The following ATP12A variants were observed in gnomAD, a reference collection of about 807,000 sequenced individuals.
The protein encoded by ATP12A is potassium-transporting ATPase alpha chain 2.
Under a neutral mutation model 111.2 loss-of-function variants are expected in ATP12A, and 81 were observed. The ratio of observed to expected loss-of-function variants is 0.73; its 90% CI spans 0.61 to 0.88. The LOEUF is 0.88. ATP12A is among the 40% of genes least tolerant of loss of function. The pLI, the probability that ATP12A is intolerant of heterozygous loss-of-function variation, is 0.00. For synonymous variants in ATP12A, 498 were observed against 499.8 expected (o/e 1.00, Z 0.05); for missense variants, 1,196 against 1,313.1 (o/e 0.91, Z 1.38).
At chr13:24,703,351 T>C (rs1875476996) in intron 14 of ATP12A, among the ~76,000 whole-genome samples, 1 of 152,138 alleles carries the variant, frequency 6.6e-6, no homozygotes, top group Non-Finnish European at 1.5e-5. Flanking sequence ...CAAGCGATTC[T>C]CCTGCCTCAG....
chr13:24,706,237 C>A, intron 14 of ATP12A, 76 bp from the exon 15 acceptor site: 1 of 1,553,806 alleles, frequency 6.4e-7, no homozygotes, highest in African/African-American at 1.4e-5. Context: ...AGGCTTCAGC[C>A]AGCATCCTGC....
chr13:24,694,303 TTGCGGCC>T, intron 10 of ATP12A, 134 bp from the exon 11 acceptor site: 4 of 1,090,802 alleles, frequency 3.7e-6, no homozygotes, highest in Non-Finnish European at 5.3e-6. Context: ...TACCACGGTC[TTGCGGCC>T]CTCCCTGATC....
rs1456718202 is a variant in ATP12A, at chr13:24,690,288, G to A, written c.547-50G>A. On this transcript the variant is annotated intron_variant, in intron 5 of 22. Transcript: ENST00000381946. ...CGGTGCGGCACAGACTTGGGGGAGG[G>A]CCGGTGTCCTTCCAGGGTCTGAGGC... The A allele has an allele frequency of 3.7e-6, 6 of 1,601,404 alleles. No homozygotes were observed. The East Asian group carries it at 1.3e-4, about 36-fold the overall frequency.
intron 17 of ATP12A, among the ~76,000 whole-genome samples, chr13:24,708,686 T>G (rs538678150): frequency 1.3e-5 from 2 of 151,768 alleles, no homozygotes; most frequent in East Asian, 3.9e-4. Context: ...TCCAGCCTGG[T>G]CAACACAGAG....
chr13:24,708,949 G>GAAAGAAAGA (rs1875820527), intron 17 of ATP12A, among the ~76,000 whole-genome samples: 1 of 140,456 alleles, frequency 7.1e-6, no homozygotes, highest in East Asian at 2.0e-4. Flanking sequence ...AAGAAAGAAA[G>GAAAGAAAGA]AAAGAAAGAA....
rs1874631239 is a variant in ATP12A, at chr13:24,685,383, G to T, written c.228+10G>T. ...CACAGACATCATTATGGTGAGTCGT[G>T]GGAACCAGGGATTTGGAAGAGAAGC... is the stretch of plus-strand genomic sequence containing the variant. On this transcript the variant is annotated intron_variant, in intron 3 of 22. Transcript: ENST00000381946. The surrounding 1 kb of genome is among the most constrained non-coding windows in gnomAD (Gnocchi z 5.5). 6.2e-7 allele frequency: 1 copy of T among 1,613,316 alleles called. No individual in the cohort carries two copies.
rs1425542489 is a variant in ATP12A at position 24,709,771 on chromosome 13, G to T, written c.2706G>T (p.Arg902=). Residue 902 remains arginine (R), a synonymous_variant, in exon 19 of 23, where the codon CGG becomes CGT. Transcript: ENST00000381946. ...GFLPRTLINL[R]VEWEKDYVND... is the part of the protein sequence containing the mutation. ...TGCCCCGCACTCTCATTAACCTGCG[G>T]GTAGAATGGGAGAAGGACTACGTGA... 6.2e-7 allele frequency: 1 copy of T among 1,614,078 alleles called. No homozygotes were observed. Among genetic ancestry groups the T allele is most frequent in the Non-Finnish European group, 8.5e-7 (1 of 1,180,040 alleles).
chr13:24,690,226 A>T, intron 5 of ATP12A, 112 bp from the exon 6 acceptor site: 1 of 1,493,952 alleles, frequency 6.7e-7, no homozygotes, highest in Non-Finnish European at 9.0e-7. Flanking sequence ...CAACAGTGAG[A>T]GTGATCAGGA....
rs1425730631 is a variant in ATP12A at position 24,685,244 on chromosome 13, G to T, written c.169-70G>T. On this transcript the variant is annotated intron_variant, in intron 2 of 22. Coordinates refer to ENST00000381946, the MANE Select transcript of ATP12A (RefSeq NM_001676.7). The surrounding 1 kb of genome is among the most constrained non-coding windows in gnomAD (Gnocchi z 5.5). The stretch of plus-strand genomic sequence containing the variant: ...GCTGCTACTCCCAGCTTCCATGGCT[G>T]GTCAAAGCTTGGGGCTTGAGTCTTT... 2 of 1,472,638 alleles carry T rather than the reference G, an allele frequency of 1.4e-6. No individual in the cohort carries two copies. Among genetic ancestry groups the T allele is most frequent in the Non-Finnish European group, 1.9e-6 (2 of 1,051,980 alleles). 91.2% of individuals were successfully genotyped at this position (1,472,638 alleles called of 1,614,324 possible).
At position 24,685,226 on chromosome 13, in the gene ATP12A, C is replaced by A; in HGVS notation, c.169-88C>A. ...TCCCCTCCCATCCTCAGGGCTGCTA[C>A]TCCCAGCTTCCATGGCTGGTCAAAG... is the stretch of plus-strand genomic sequence containing the variant. On this transcript the variant is annotated intron_variant, in intron 2 of 22. Coordinates refer to ENST00000381946, the MANE Select transcript of ATP12A (RefSeq NM_001676.7). This position sits in a 1 kb window ranked among gnomAD's most constrained non-coding sequence, Gnocchi z 5.5. 1.5e-6 allele frequency: 2 copies of A among 1,299,264 alleles called. No homozygotes were observed. The highest frequency in any genetic ancestry group is 2.2e-6 in the Non-Finnish European group (2 of 895,330). The allele number at this position is 1,299,264 out of a possible 1,614,324, so 80.5% of individuals were successfully genotyped here.
chr13:24,698,470 G>T (rs724328), intron 11 of ATP12A, among the ~76,000 whole-genome samples, 188 bp from the exon 12 acceptor site: 5 of 151,866 alleles, frequency 3.3e-5, no homozygotes, highest in African/African-American at 9.7e-5. Context: ...TATCCAGAGT[G>T]GGTGCCCCAC....
At chr13:24,696,718 CAAAAAAAAAA>C (rs1199522203) in intron 11 of ATP12A, among the ~76,000 whole-genome samples, 1 of 33,038 alleles carries the variant, frequency 3.0e-5, no homozygotes, top group East Asian at 9.3e-4. Context: ...GACTCCGTCT[CAAAAAAAAAA>C]AAAAAAAAAA....
At chr13:24,701,038 C>G (rs1225402946) in intron 13 of ATP12A, 116 bp downstream of exon 13, 1 of 1,174,448 alleles carries the variant, frequency 8.5e-7, no homozygotes, top group Admixed American at 2.8e-5. Flanking sequence ...TATCATAATT[C>G]CTATTTTATT....
intron 17 of ATP12A, 98 bp downstream of exon 17, chr13:24,707,531 G>T (rs1265578472): frequency 2.7e-6 from 4 of 1,476,750 alleles, no homozygotes; most frequent in African/African-American, 1.4e-5. Flanking sequence ...CTAACTCAAG[G>T]CTTCTCAGCT....
chr13:24,706,355 C>T lies in ATP12A; in HGVS notation c.2061C>T (p.Asp687=). The T allele has an allele frequency of 1.9e-6, 3 of 1,614,246 alleles. No individual in the cohort carries two copies. The highest frequency in any genetic ancestry group is 1.1e-5 in the South Asian group (1 of 91,088). ...AAVVTGMELK[D]MSSEQLDEIL... is the part of the protein sequence containing the mutation. ...TGGTGACTGGCATGGAGCTGAAGGACATGAGCTCAGAACAGCTGGATGAGA... is the reference window on the plus strand; with the variant it reads ...TGGTGACTGGCATGGAGCTGAAGGATATGAGCTCAGAACAGCTGGATGAGA... The change falls in exon 15 of 23, where the codon GAC becomes GAT. Residue 687 remains aspartate, a synonymous_variant. Transcript: ENST00000381946.
At position 24,690,607 on chromosome 13, in the gene ATP12A, G is replaced by T; in HGVS notation, c.685G>T (p.Asp229Tyr). 1 of 1,611,334 alleles carries T rather than the reference G, an allele frequency of 6.2e-7. No individual in the cohort carries two copies. The highest frequency in any genetic ancestry group is 1.7e-5 in the Admixed American group (1 of 59,542). The change falls in exon 7 of 23, where the codon GAT (aspartate) becomes TAT (tyrosine). Residue 229 changes from aspartate to tyrosine, a missense_variant. Physicochemically the swap from Asp to Tyr is radical, Grantham distance 160. This residue lies in a region of ATP12A where 1,126 missense variants were observed against 1,228.5 expected (regional missense o/e 0.92). Transcript: ENST00000381946. ...RVLSSQGCRVDNSSLTGESEP... is the reference protein window; with the variant it reads ...RVLSSQGCRVYNSSLTGESEP... The stretch of plus-strand genomic sequence containing the variant: ...CCACCTTCAACATTTCTTCTAGGTG[G>T]ATAACTCATCTCTCACGGGGGAGTC...
intron 12 of ATP12A, among the ~76,000 whole-genome samples, chr13:24,700,230 A>C (rs1171994259): frequency 6.6e-6 from 1 of 152,104 alleles, no homozygotes; most frequent in Non-Finnish European, 1.5e-5. Flanking sequence ...CTAGCACTGA[A>C]CTTTGTGCCC....
At chr13:24,702,343 G>A (rs1260804785) in intron 14 of ATP12A, among the ~76,000 whole-genome samples, 1 of 152,198 alleles carries the variant, frequency 6.6e-6, no homozygotes, top group Non-Finnish European at 1.5e-5. Context: ...CAAAACCTAT[G>A]TGCCCAATTT....
intron 17 of ATP12A, among the ~76,000 whole-genome samples, chr13:24,708,946 A>AAAGAAAGAAAGGAAGGAAAGG (rs1555255697): frequency 1.0e-5 from 1 of 100,232 alleles, no homozygotes; most frequent in Non-Finnish European, 2.4e-5. Flanking sequence ...AGAAAGAAAG[A>AAAGAAAGAAAGGAAGGAAAGG]AAGAAAGAAA....
Sources: allele counts gnomAD v4.1 joint callset (sites outside exome capture counted in the v4.1 genomes callset), GRCh38; gene constraint gnomAD v4.1.1; regional missense constraint gnomAD v4.1.1; non-coding constraint Gnocchi (gnomAD v3.1); transcripts MANE v1.5; gene names NCBI Gene and HGNC (gene_info 2026-07-23, HGNC 2026-07-21).